KIAA1549L: variants seen among roughly 807,000 people sequenced by gnomAD.
KIAA1549L encodes KIAA1549 like, also known as UPF0606 protein KIAA1549L.
A neutral mutation model predicts 160.7 loss-of-function variants in KIAA1549L; 88 were observed. That is an observed-to-expected ratio of 0.55 (90% CI 0.46 to 0.65). The LOEUF is 0.65. Ranked by LOEUF, KIAA1549L falls within the 30% of genes least tolerant of loss-of-function variation. The pLI is 0.00. For synonymous variants in KIAA1549L, 950 were observed against 976.7 expected, an observed-to-expected ratio of 0.97 and a Z score of 0.51; for missense variants, 2,258 against 2,437.5, an observed-to-expected ratio of 0.93 and a Z score of 1.55.
chr11:33,593,895 A>C (rs886510598), intron 12 of KIAA1549L, among the ~76,000 whole-genome samples: 1 of 152,140 alleles, frequency 6.6e-6, no homozygotes, highest in African/African-American at 2.4e-5. Context: ...TTACTCTATA[A>C]GACTGGGAAG....
At chr11:33,512,121 G>A (rs1330642386) in intron 1 of KIAA1549L, among the ~76,000 whole-genome samples, 2 of 152,076 alleles carry the variant, frequency 1.3e-5, no homozygotes, top group East Asian at 3.8e-4. Flanking sequence ...CACTCTAGAG[G>A]GTCACGTAAA....
intron 3 of KIAA1549L, among the ~76,000 whole-genome samples, chr11:33,546,471 T>C (rs1854268321): frequency 6.6e-6 from 1 of 152,106 alleles, no homozygotes. Context: ...ACCAGTTCCT[T>C]TCACTTCTAC....
At chr11:33,538,531 C>T (rs1006138221) in intron 1 of KIAA1549L, among the ~76,000 whole-genome samples, 3 of 152,110 alleles carry the variant, frequency 2.0e-5, no homozygotes, top group African/African-American at 7.2e-5. Flanking sequence ...ACCAGGTATG[C>T]GCTGAGTAGG....
intron 8 of KIAA1549L, among the ~76,000 whole-genome samples, chr11:33,564,241 G>A (rs777019314): frequency 6.6e-6 from 1 of 152,152 alleles, no homozygotes; most frequent in Non-Finnish European, 1.5e-5. Flanking sequence ...TTACCAAAAG[G>A]GTAGAGGATA....
rs183042834 is a variant in KIAA1549L, at chr11:33,494,800, A to G, written c.239-47002A>G. On this transcript the variant is annotated intron_variant, in intron 1 of 20. Transcript: ENST00000658780. ...TGCATGGCTGAATTTCAGGCTCTGA[A>G]CAGAGGTGCAGAGGTGTCTCATACA... Among the ~76,000 whole-genome samples, 180 of 152,338 alleles carry G rather than the reference A, an allele frequency of 1.2e-3. No individual in the cohort carries two copies. The South Asian group carries it at 0.025, about 21-fold the overall frequency.
intron 4 of KIAA1549L, among the ~76,000 whole-genome samples, chr11:33,549,524 C>T (rs542620532): frequency 6.6e-5 from 10 of 152,294 alleles, no homozygotes; most frequent in South Asian, 4.1e-4. Flanking sequence ...GCTGTGTCCA[C>T]GTTCCATGCT....
intron 15 of KIAA1549L, among the ~76,000 whole-genome samples, chr11:33,614,559 T>TCC (rs1564924798): frequency 1.9e-4 from 3 of 16,212 alleles, no homozygotes; most frequent in Admixed American, 5.5e-4. Flanking sequence ...TATATATATA[T>TCC]ATATATATAT....
At chr11:33,633,779 C>T (rs964077774) in intron 16 of KIAA1549L, among the ~76,000 whole-genome samples, 1 of 152,130 alleles carries the variant, frequency 6.6e-6, no homozygotes, top group Non-Finnish European at 1.5e-5. Flanking sequence ...GGGCTGTGCT[C>T]ATAGCCTCTG....
chr11:33,387,809 C>G, intron 1 of KIAA1549L, among the ~76,000 whole-genome samples: 1 of 152,150 alleles, frequency 6.6e-6, no homozygotes, highest in East Asian at 1.9e-4. Flanking sequence ...TCCCCCATCC[C>G]CCGTCTGTGT....
intron 20 of KIAA1549L, 57 bp downstream of exon 20, chr11:33,661,071 G>A: frequency 1.3e-6 from 2 of 1,496,502 alleles, no homozygotes; most frequent in Non-Finnish European, 9.1e-7. Context: ...ATGCCAAAAA[G>A]TAAATTAGAT....
At chr11:33,406,483 G>T (rs1391938617) in intron 1 of KIAA1549L, among the ~76,000 whole-genome samples, 1 of 152,232 alleles carries the variant, frequency 6.6e-6, no homozygotes, top group Non-Finnish European at 1.5e-5. Flanking sequence ...TCTTTGGTCC[G>T]AATCCTATCA....
At chr11:33,584,564 C>T (rs1053065877) in intron 11 of KIAA1549L, among the ~76,000 whole-genome samples, 6 of 152,270 alleles carry the variant, frequency 3.9e-5, no homozygotes, top group African/African-American at 1.4e-4. Context: ...AATATACTAA[C>T]TGTCATACCT....
At position 33,661,813 on chromosome 11, in the gene KIAA1549L, G is replaced by C. The variant is rs552029180; in HGVS notation, c.6159+799G>C. 2.1e-5 allele frequency among the ~76,000 whole-genome samples: 3 copies of C among 145,492 alleles called. No individual in the cohort carries two copies. In the Admixed American group the frequency reaches 2.1e-4, roughly 10 times the overall value. On this transcript the variant is annotated intron_variant, in intron 20 of 20. Coordinates refer to ENST00000658780, the MANE Select transcript of KIAA1549L (RefSeq NM_012194.3). ...GAGAATCACTTAAACCCAGGAGGCA[G>C]AGGTTGCAGTGAGCCAAGATCGCGC...
intron 16 of KIAA1549L, among the ~76,000 whole-genome samples, chr11:33,624,989 A>G (rs1012876636): frequency 2.8e-5 from 4 of 145,192 alleles, no homozygotes; most frequent in African/African-American, 1.0e-4. Flanking sequence ...ATTCCCACCT[A>G]TGAGTGAGAA....
At chr11:33,654,076 A>C (rs1461934138) in intron 17 of KIAA1549L, among the ~76,000 whole-genome samples, 1 of 152,018 alleles carries the variant, frequency 6.6e-6, no homozygotes, top group Non-Finnish European at 1.5e-5. Context: ...GGATTCAAGC[A>C]ATTCTCCTGC....
intron 1 of KIAA1549L, among the ~76,000 whole-genome samples, chr11:33,478,151 G>A (rs909254153): frequency 1.8e-4 from 28 of 152,224 alleles, no homozygotes; most frequent in African/African-American, 6.8e-4. Context: ...TAAAATCATT[G>A]TCTTCTGTGG....
Position 33,440,498 on chromosome 11 carries a change from CAT to C in KIAA1549L, c.238+63610_238+63611del, listed in dbSNP as rs369933368. Among the ~76,000 whole-genome samples, 71 of 152,292 alleles carry C rather than the reference CAT, an allele frequency of 4.7e-4. No homozygotes were observed. In the East Asian group the frequency reaches 8.9e-3, roughly 19 times the overall value. On this transcript the variant is annotated intron_variant, in intron 1 of 20. Coordinates refer to ENST00000658780, the MANE Select transcript of KIAA1549L (RefSeq NM_012194.3). ...TTAGTAGTTAACCTAGAAGCTTAAA[CAT>C]GTGTATTAATTTAACAAGGTCTAAA... is the stretch of plus-strand genomic sequence containing the variant.
chr11:33,433,661 T>G (rs1851297095), intron 1 of KIAA1549L, among the ~76,000 whole-genome samples: 1 of 152,110 alleles, frequency 6.6e-6, no homozygotes, highest in East Asian at 1.9e-4. Context: ...GCAGCACTAT[T>G]TACAATAGCA....
chr11:33,600,550 C>T (rs1054355219), intron 13 of KIAA1549L, among the ~76,000 whole-genome samples: 2 of 151,428 alleles, frequency 1.3e-5, no homozygotes, highest in Admixed American at 6.6e-5. Context: ...TCCCCTCCCC[C>T]TCCTTCCTTC....
Sources: gnomAD v4.1 joint callset for allele counts (sites outside exome capture counted in the v4.1 genomes callset) on GRCh38, gnomAD v4.1.1 for gene constraint, MANE v1.5 for transcripts, NCBI Gene and HGNC (gene_info 2026-07-23, HGNC 2026-07-21) for gene names.